The following RPS2 variants were observed in gnomAD, a reference collection of about 807,000 sequenced individuals.
RPS2 encodes the protein small ribosomal subunit protein uS5.
Under a neutral mutation model 25.3 loss-of-function variants are expected in RPS2, and 8 were observed. The observed-to-expected ratio is 0.32, with a 90% CI of 0.19 to 0.57. The LOEUF is 0.57. Ranked by LOEUF, RPS2 falls within the 20% of genes least tolerant of loss-of-function variation. The probability of loss-of-function intolerance (pLI) is 0.90; values close to 1 mark genes in which losing one functional copy is unlikely to be tolerated. For missense variants in RPS2, 229 were observed against 408.1 expected (o/e 0.56, Z 3.78); for synonymous variants, 181 against 161.3 (o/e 1.12, Z -0.92).
Position 1,962,554 on chromosome 16 carries a change from C to T in RPS2, c.652G>A (p.Gly218Ser), listed in dbSNP as rs1003181864. Residue 218 changes from glycine (G) to serine (S), a missense_variant, in exon 6 of 7, where the codon GGT becomes AGT. Gly to Ser is a moderately conservative substitution (Grantham distance 56). This residue lies in a region of RPS2 where 79 missense variants were observed against 159.0 expected (regional missense o/e 0.50). Transcript: ENST00000343262. The part of the protein sequence containing the change: ...PVPKKLLMMA[G>S]IDDCYTSARG... ...GCTGAGGTGTAGCAGTCATCGATAC[C>T]AGCCATCATGAGCAGCTTCTTAGGC... 2 of 1,611,456 alleles carry T rather than the reference C, an allele frequency of 1.2e-6. No homozygotes were observed. The highest frequency in any genetic ancestry group is 2.7e-5 in the African/African-American group (2 of 74,860).
intron 3 of RPS2, chr16:1,963,832 G>C (rs957280155): frequency 6.6e-6 from 3 of 454,902 alleles, no homozygotes; most frequent in Non-Finnish European, 8.8e-6. Context: ...CATGACCACC[G>C]TACCTTGCTA....
Position 1,962,164 on chromosome 16 carries a change from G to A in RPS2, c.816C>T (p.His272=), listed in dbSNP as rs1415385502. 1.9e-6 allele frequency: 3 copies of A among 1,597,186 alleles called. No individual in the cohort carries two copies. The highest frequency in any genetic ancestry group is 1.3e-5 in the African/African-American group (1 of 74,442). ...AGACTCTGGTGTGGGTCTTGACGAG[G>A]TGGTCAGTGAACTCCTGATAGGGAG... ...TKSPYQEFTD[H]LVKTHTRVSV... is the part of the protein sequence containing the mutation. Residue 272 remains histidine, a synonymous_variant, in exon 7 of 7, where the codon CAC becomes CAT. Coordinates refer to ENST00000343262, the MANE Select transcript of RPS2 (RefSeq NM_002952.4).
intron 4 of RPS2, 40 bp from the exon 5 acceptor site, chr16:1,962,949 C>G (rs367564612): frequency 2.6e-5 from 41 of 1,593,398 alleles, no homozygotes; most frequent in Non-Finnish European, 3.1e-5. Context: ...TGGCCCTACA[C>G]CCAATCACTG....
In RPS2 at chr16:1,962,616, G is replaced by A. The variant is rs1251329879; in HGVS notation, c.590C>T (p.Pro197Leu). 1.9e-6 allele frequency: 3 copies of A among 1,609,462 alleles called. No individual in the cohort carries two copies. The highest frequency in any genetic ancestry group is 2.5e-6 in the Non-Finnish European group (3 of 1,179,050). The change falls in exon 6 of 7, where the codon CCT (proline) becomes CTT (leucine). Residue 197 changes from proline (P) to leucine (L), a missense_variant. Transcript: ENST00000343262. ...GACGATGCCAGTGCCCCTGGGTGCA[G>A]GGATGAGGCGTACCAGCACAGAGCC... is the stretch of plus-strand genomic sequence containing the variant. Reference protein sequence around the residue: ...RCGSVLVRLIPAPRGTGIVSA... With the variant: ...RCGSVLVRLILAPRGTGIVSA...
intron 4 of RPS2, 62 bp downstream of exon 4, chr16:1,963,087 C>G (rs1220990229): frequency 5.6e-6 from 8 of 1,431,816 alleles, no homozygotes; most frequent in African/African-American, 1.4e-5. Flanking sequence ...CCAAGTGCAA[C>G]TATGCAGAGC....
intron 3 of RPS2, chr16:1,963,583 G>A (rs2083277792): frequency 5.6e-6 from 2 of 356,194 alleles, no homozygotes; most frequent in Admixed American, 3.9e-5. Context: ...GCCAGCCTAG[G>A]CGATAGGGCG....
chr16:1,963,607 G>GCCACCC, intron 3 of RPS2: 2 of 339,748 alleles, frequency 5.9e-6, no homozygotes, highest in South Asian at 4.4e-5. Flanking sequence ...CTGTGTAACC[G>GCCACCC]CCCACCCCGC....
rs200255156 is a variant in RPS2, at chr16:1,964,339, G to A, written c.204C>T (p.Arg68=). ...ACTTGATCTTCATGTCCTTGACCAA[G>A]CGGCCCAACTTGGTGACGGGCATCC... The part of the protein sequence containing the change: ...KEWMPVTKLG[R]LVKDMKIKSL... The change falls in exon 3 of 7, where the codon CGC becomes CGT. Residue 68 remains arginine (R), a synonymous_variant. Transcript: ENST00000343262. The A allele has an allele frequency of 4.8e-5, 78 of 1,613,514 alleles. No homozygotes were observed. The highest frequency in any genetic ancestry group is 4.8e-5 in the Non-Finnish European group (57 of 1,179,978).
intron 3 of RPS2, 80 bp from the exon 4 acceptor site, chr16:1,963,336 G>C: frequency 2.2e-6 from 2 of 919,972 alleles, no homozygotes; most frequent in African/African-American, 1.7e-5. Flanking sequence ...CCAAAGTCAC[G>C]GCCGGGGGCG....
chr16:1,964,649 G>C (rs370748036), intron 1 of RPS2, 21 bp from the exon 2 acceptor site: 7 of 1,280,338 alleles, frequency 5.5e-6, no homozygotes, highest in Non-Finnish European at 6.5e-6. Context: ...CGACAAGAAG[G>C]AACTAGTCAG....
chr16:1,963,223 A>T lies in RPS2; in HGVS notation c.301T>A (p.Ser101Thr). 6.5e-7 allele frequency: 1 copy of T among 1,550,106 alleles called. No individual in the cohort carries two copies. The highest frequency in any genetic ancestry group is 1.2e-5 in the South Asian group (1 of 86,012). ...ATCTTCAAAACCTCATCCTTGAGAG[A>T]GGCCCCCAGGAAGAAATCAATGATC... Reference protein sequence around the residue: ...SEIIDFFLGASLKDEVLKIMP... With the variant: ...SEIIDFFLGATLKDEVLKIMP... Residue 101 changes from serine to threonine, a missense_variant, in exon 4 of 7, where the codon TCT (serine) becomes ACT (threonine). Physicochemically the swap from Ser to Thr is moderately conservative, Grantham distance 58. Transcript: ENST00000343262.
chr16:1,963,917 C>G, intron 3 of RPS2: 1 of 399,594 alleles, frequency 2.5e-6, no homozygotes, highest in South Asian at 1.9e-5. Context: ...GACAGCTGTC[C>G]CGTACACGCG....
In RPS2 at chr16:1,962,191, C is replaced by T; in HGVS notation, c.789G>A (p.Lys263=). ...PDLWKETVFT[K]SPYQEFTDHL... ...GGTCAGTGAACTCCTGATAGGGAGA[C>T]TTGGTGAATACAGTCTCCTTCCAGA... is the stretch of plus-strand genomic sequence containing the variant. The change falls in exon 7 of 7, where the codon AAG becomes AAA. Residue 263 remains lysine, a synonymous_variant. Transcript: ENST00000343262. 1 of 1,604,196 alleles carries T rather than the reference C, an allele frequency of 6.2e-7. No homozygotes were observed. The highest frequency in any genetic ancestry group is 2.2e-5 in the East Asian group (1 of 44,878).
intron 3 of RPS2, chr16:1,963,970 C>CT: frequency 4.7e-6 from 2 of 428,840 alleles, no homozygotes; most frequent in Non-Finnish European, 8.8e-6. Context: ...CTCCCACAAC[C>CT]TGAACTTCAT....
Position 1,964,634 on chromosome 16 carries a change from A to G in RPS2, c.-3-6T>C, listed in dbSNP as rs751192817. On this transcript the variant is annotated splice_polypyrimidine_tract_variant and splice_region_variant and intron_variant, in intron 1 of 6. Transcript: ENST00000343262. ...CCGGCGTCATCCGCCATTTGCTGGGAAAAGCGACAAGAAGGAACTAGTCAG... is the reference window on the plus strand; with the variant it reads ...CCGGCGTCATCCGCCATTTGCTGGGGAAAGCGACAAGAAGGAACTAGTCAG... 4 of 1,425,808 alleles carry G rather than the reference A, an allele frequency of 2.8e-6. No individual in the cohort carries two copies. The highest frequency in any genetic ancestry group is 3.8e-6 in the Non-Finnish European group (4 of 1,059,212). The allele number at this position is 1,425,808 out of a possible 1,614,324, so 88.3% of individuals were successfully genotyped here.
In RPS2 at chr16:1,963,135, G is replaced by A. The variant is rs765998270; in HGVS notation, c.375+14C>T. ...GGCAAGCCCAGCGCAGCCCCCTCCA[G>A]GACAGCCGGGTACCTTGAACCTGGT... On this transcript the variant is annotated intron_variant, in intron 4 of 6. Coordinates refer to ENST00000343262, the MANE Select transcript of RPS2 (RefSeq NM_002952.4). 1 of 1,601,082 alleles carries A rather than the reference G, an allele frequency of 6.2e-7. No homozygotes were observed.
chr16:1,963,750 C>T (rs1481008252), intron 3 of RPS2: 2 of 451,010 alleles, frequency 4.4e-6, no homozygotes, highest in Non-Finnish European at 8.9e-6. Context: ...CCTATTTGCC[C>T]TTTTTCTCTT....
In RPS2 at chr16:1,963,607, G is replaced by GCCC. The variant is rs1206542724; in HGVS notation, c.268-354_268-352dup. On this transcript the variant is annotated intron_variant, in intron 3 of 6. Transcript: ENST00000343262. ...GGCGATAGGGCGAAACTGTGTAACC[G>GCCC]CCCACCCCGCCCAAAAAAAACCGAA... 89 of 339,670 alleles carry GCCC rather than the reference G, an allele frequency of 2.6e-4. 1 individual carries two copies. Among genetic ancestry groups the GCCC allele is most frequent in the South Asian group, 4.4e-4 (20 of 45,084 alleles). 21.0% of individuals were successfully genotyped at this position (339,670 alleles called of 1,614,324 possible). A position where few individuals can be genotyped will look rare whatever the true frequency, so the allele number is the denominator to read the frequency against.
rs975079136 is a variant in RPS2 at position 1,962,627 on chromosome 16, T to C, written c.579A>G (p.Val193=). 6.2e-7 allele frequency: 1 copy of C among 1,607,972 alleles called. No homozygotes were observed. The highest frequency in any genetic ancestry group is 1.1e-5 in the South Asian group (1 of 90,610). The change falls in exon 6 of 7, where the codon GTA becomes GTG. Residue 193 remains valine, a synonymous_variant. Transcript: ENST00000343262. ...TGCCCCTGGGTGCAGGGATGAGGCG[T>C]ACCAGCACAGAGCCGCAGCGGCCTG... ...KVTGRCGSVL[V]RLIPAPRGTG...
Sources: allele counts gnomAD v4.1 joint callset, GRCh38; gene constraint gnomAD v4.1.1; regional missense constraint gnomAD v4.1.1; transcripts MANE v1.5; gene names NCBI Gene and HGNC (gene_info 2026-07-23, HGNC 2026-07-21).